Variants in CADM2 observed in about 807,000 individuals in gnomAD.
The protein encoded by CADM2 is immunoglobulin superfamily member 4D.
CADM2 carries 12 observed loss-of-function variants against 49.8 expected under a neutral mutation model. The ratio of observed to expected loss-of-function variants is 0.24; its 90% confidence interval spans 0.15 to 0.39. The LOEUF is 0.39. Ranked by LOEUF, CADM2 falls within the 10% of genes least tolerant of loss-of-function variation. The pLI, the probability that CADM2 is intolerant of heterozygous loss-of-function variation, is 1.00. For synonymous variants in CADM2, 214 were observed against 175.4 expected, an observed-to-expected ratio of 1.22 and a Z score of -1.74; for missense variants, 378 against 492.3, an observed-to-expected ratio of 0.77 and a Z score of 2.20.
chr3:85,189,222 C>T (rs1392746293), intron 1 of CADM2, among the ~76,000 whole-genome samples: 1 of 151,942 alleles, frequency 6.6e-6, no homozygotes, highest in Non-Finnish European at 1.5e-5. Context: ...GGATATATTT[C>T]ATGCTTTTGA....
At chr3:85,657,759 C>A (rs1183437762) in intron 1 of CADM2, among the ~76,000 whole-genome samples, 1 of 98,362 alleles carries the variant, frequency 1.0e-5, no homozygotes, top group African/African-American at 3.5e-5. Context: ...TATATATACA[C>A]AGATATATAT....
intron 1 of CADM2, among the ~76,000 whole-genome samples, chr3:85,701,302 A>G (rs1342336454): frequency 6.6e-6 from 1 of 152,160 alleles, no homozygotes; most frequent in Non-Finnish European, 1.5e-5. Context: ...CCCCACCTCC[A>G]GCACTGGGAT....
intron 1 of CADM2, among the ~76,000 whole-genome samples, chr3:85,397,494 G>T (rs1243015998): frequency 1.3e-5 from 2 of 152,136 alleles, no homozygotes; most frequent in African/African-American, 2.4e-5. Flanking sequence ...CCCATCAACA[G>T]ATTAATGGAT....
At chr3:85,242,595 T>G (rs1012654888) in intron 1 of CADM2, among the ~76,000 whole-genome samples, 5 of 151,820 alleles carry the variant, frequency 3.3e-5, no homozygotes, top group African/African-American at 1.2e-4. Context: ...TTTGGCTTTT[T>G]AATCCTCTGA....
At chr3:85,219,234 C>A (rs1347813685) in intron 1 of CADM2, among the ~76,000 whole-genome samples, 1 of 152,142 alleles carries the variant, frequency 6.6e-6, no homozygotes, top group African/African-American at 2.4e-5. Context: ...GTTTCCTAAT[C>A]AGAGAGCTTT....
chr3:85,804,690 C>G (rs2072290956), intron 3 of CADM2, among the ~76,000 whole-genome samples: 1 of 152,110 alleles, frequency 6.6e-6, no homozygotes, highest in South Asian at 2.1e-4. Context: ...TAAAAAACAT[C>G]TAAAACTAGA....
At chr3:85,941,513 G>T (rs1201474749) in intron 7 of CADM2, among the ~76,000 whole-genome samples, 1 of 152,044 alleles carries the variant, frequency 6.6e-6, no homozygotes, top group Non-Finnish European at 1.5e-5. Context: ...TTAGAGAGAA[G>T]AGAGGCAGTG....
intron 1 of CADM2, among the ~76,000 whole-genome samples, chr3:85,406,427 T>C (rs1426346482): frequency 2.0e-5 from 3 of 152,170 alleles, no homozygotes; most frequent in Non-Finnish European, 4.4e-5. Context: ...ACAATAAATA[T>C]TTAATATAGT....
At chr3:85,098,087 A>G (rs980157740) in intron 1 of CADM2, among the ~76,000 whole-genome samples, 1 of 152,160 alleles carries the variant, frequency 6.6e-6, no homozygotes, top group Non-Finnish European at 1.5e-5. Flanking sequence ...ATGGCAGAAT[A>G]TGTTCCAGCA....
intron 1 of CADM2, among the ~76,000 whole-genome samples, chr3:85,213,799 G>A (rs1006131656): frequency 6.6e-6 from 1 of 151,560 alleles, no homozygotes; most frequent in Admixed American, 6.6e-5. Context: ...ATTTTCAAAT[G>A]GCCTGTCTTC....
intron 1 of CADM2, among the ~76,000 whole-genome samples, chr3:84,982,960 G>A (rs540305917): frequency 6.7e-6 from 1 of 148,732 alleles, no homozygotes; most frequent in East Asian, 1.9e-4. Flanking sequence ...TGTTAGCCAT[G>A]ATGGTCTCAA....
At chr3:86,014,935 G>T (rs1732021293) in intron 8 of CADM2, 1 of 1,489,996 alleles carries the variant, frequency 6.7e-7, no homozygotes, top group South Asian at 1.1e-5. Flanking sequence ...TATGAAAATG[G>T]ACGAAAGCGT....
At chr3:86,052,198 G>T (rs1013255400) in intron 8 of CADM2, among the ~76,000 whole-genome samples, 2 of 152,020 alleles carry the variant, frequency 1.3e-5, no homozygotes, top group Non-Finnish European at 2.9e-5. Context: ...ATTTATTTTA[G>T]GTTATGTATT....
intron 1 of CADM2, among the ~76,000 whole-genome samples, chr3:85,010,518 GAAATA>G (rs2107250779): frequency 6.6e-6 from 1 of 152,232 alleles, no homozygotes; most frequent in South Asian, 2.1e-4. Context: ...CTTTGAAGCT[GAAATA>G]AAATAAACTT....
intron 3 of CADM2, among the ~76,000 whole-genome samples, chr3:85,804,457 CT>C (rs1250800020): frequency 2.6e-5 from 4 of 152,140 alleles, no homozygotes; most frequent in African/African-American, 9.7e-5. Context: ...CAACTATAAA[CT>C]TTTATAACAT....
chr3:85,469,764 T>A (rs1033157691), intron 1 of CADM2, among the ~76,000 whole-genome samples: 10 of 152,180 alleles, frequency 6.6e-5, no homozygotes, highest in Non-Finnish European at 1.2e-4. Context: ...TAGGCTAAAA[T>A]TGACTGTAGT....
intron 1 of CADM2, among the ~76,000 whole-genome samples, chr3:85,035,337 C>T (rs1322262838): frequency 6.6e-6 from 1 of 152,084 alleles, no homozygotes; most frequent in Non-Finnish European, 1.5e-5. Flanking sequence ...TGTCTGATGG[C>T]TAGATTGCAA....
intron 1 of CADM2, among the ~76,000 whole-genome samples, chr3:85,456,191 T>C (rs1346672724): frequency 6.6e-6 from 1 of 152,176 alleles, no homozygotes; most frequent in Non-Finnish European, 1.5e-5. Context: ...TTGTCTGGTA[T>C]CAGCAGACAC....
At chr3:85,731,864 T>A (rs933777492) in intron 2 of CADM2, among the ~76,000 whole-genome samples, 11 of 152,040 alleles carry the variant, frequency 7.2e-5, no homozygotes, top group African/African-American at 2.7e-4. Context: ...CTGCTTTTAT[T>A]ATCAGTGAAG....
Sources: gnomAD v4.1 joint callset for allele counts (sites outside exome capture counted in the v4.1 genomes callset) on GRCh38, gnomAD v4.1.1 for gene constraint, MANE v1.5 for transcripts, NCBI Gene and HGNC (gene_info 2026-07-23, HGNC 2026-07-21) for gene names.